Variants in SP140 observed in about 807,000 individuals in gnomAD.
The protein encoded by SP140 is nuclear body protein SP140.
Under a neutral mutation model 125.0 loss-of-function variants are expected in SP140, and 81 were observed. The ratio of observed to expected loss-of-function variants is 0.65; its 90% CI spans 0.54 to 0.78. The LOEUF is 0.78. Ranked by LOEUF, SP140 falls within the 30% of genes least tolerant of loss-of-function variation. The probability of loss-of-function intolerance (pLI) is 0.00; values close to 1 mark genes in which losing one functional copy is unlikely to be tolerated. For synonymous variants in SP140, 312 were observed against 354.0 expected (o/e 0.88, Z 1.33); for missense variants, 858 against 1,037.0 (o/e 0.83, Z 2.37).
downstream of SP140, among the ~76,000 whole-genome samples, chr2:230,316,394 C>T (rs1290694321): frequency 6.6e-6 from 1 of 152,112 alleles, no homozygotes; most frequent in South Asian, 2.1e-4. Context: ...AGGAGAATCA[C>T]CATGGTTGAC....
chr2:230,256,005 T>C (rs1291923317), intron 12 of SP140, among the ~76,000 whole-genome samples: 2 of 152,206 alleles, frequency 1.3e-5, no homozygotes, highest in African/African-American at 4.8e-5. Flanking sequence ...TTATTTTTTC[T>C]AGCTATCAAT....
intron 4 of SP140, among the ~76,000 whole-genome samples, chr2:230,243,054 A>G (rs1269884502): frequency 6.6e-6 from 1 of 152,216 alleles, no homozygotes; most frequent in Non-Finnish European, 1.5e-5. Context: ...GGCATCCACA[A>G]TGAGCCACCT....
the SP140 span, among the ~76,000 whole-genome samples, chr2:230,196,071 A>G: frequency 6.6e-6 from 1 of 152,216 alleles, no homozygotes; most frequent in Admixed American, 6.5e-5. Context: ...GTTTTATTAC[A>G]TCCAGCATTG....
At chr2:230,226,042 A>G (rs2046290779) in intron 1 of SP140, 139 bp downstream of exon 1, 2 of 698,518 alleles carry the variant, frequency 2.9e-6, no homozygotes, top group Non-Finnish European at 2.4e-6. Context: ...AGGCAATCAG[A>G]TTTTTTAAAT....
chr2:230,251,644 C>T (rs557631828), intron 10 of SP140, among the ~76,000 whole-genome samples: 1 of 152,148 alleles, frequency 6.6e-6, no homozygotes, highest in Non-Finnish European at 1.5e-5. Flanking sequence ...TTATTACAAA[C>T]TTGACAAAGC....
At chr2:230,276,073 G>C (rs990948522) in intron 15 of SP140, among the ~76,000 whole-genome samples, 13 of 152,210 alleles carry the variant, frequency 8.5e-5, no homozygotes, top group South Asian at 2.1e-4. Context: ...AGCTGCAAAT[G>C]CTGATGTAAA....
At chr2:230,259,796 A>G (rs747199793) in intron 12 of SP140, among the ~76,000 whole-genome samples, 3 of 107,950 alleles carry the variant, frequency 2.8e-5, no homozygotes, top group Non-Finnish European at 6.1e-5. Context: ...ATATATATAT[A>G]CCACATACAT....
intron 1 of SP140, chr2:230,212,699 C>T: frequency 6.3e-7 from 1 of 1,597,620 alleles, no homozygotes; most frequent in Non-Finnish European, 8.6e-7. Flanking sequence ...GGATTGGCGG[C>T]AACATGGCAC....
At chr2:230,199,046 T>C (rs1453905289), upstream of SP140, among the ~76,000 whole-genome samples, 1 of 151,804 alleles carries the variant, frequency 6.6e-6, no homozygotes, top group African/African-American at 2.4e-5. Context: ...CTGAGGATGA[T>C]GGAGCAACAA....
intron 22 of SP140, among the ~76,000 whole-genome samples, chr2:230,307,180 G>A (rs576224814): frequency 1.8e-4 from 27 of 152,262 alleles, no homozygotes; most frequent in African/African-American, 4.8e-4. Context: ...CTGAACACTC[G>A]TCAGGACACA....
intron 1 of SP140, among the ~76,000 whole-genome samples, chr2:230,233,851 T>G (rs1453057663): frequency 1.3e-5 from 2 of 152,202 alleles, no homozygotes; most frequent in Non-Finnish European, 2.9e-5. Context: ...ATTTAGCCTC[T>G]GAAAAATTTC....
upstream of SP140, chr2:230,221,842 G>A (rs2045846311): frequency 2.0e-6 from 2 of 1,000,564 alleles, no homozygotes; most frequent in African/African-American, 1.6e-5. Flanking sequence ...AAGCAGGAGT[G>A]GGAAAATAAA....
intron 22 of SP140, among the ~76,000 whole-genome samples, chr2:230,303,203 C>T (rs1044465406): frequency 3.9e-5 from 6 of 151,990 alleles, no homozygotes; most frequent in African/African-American, 1.5e-4. Context: ...CAAATAAGCC[C>T]AATTAGAAAC....
intron 15 of SP140, among the ~76,000 whole-genome samples, chr2:230,283,431 TCTGAATCCCTAGGCA>T (rs2055899470): frequency 6.6e-6 from 1 of 152,178 alleles, no homozygotes; most frequent in South Asian, 2.1e-4. Flanking sequence ...TGGAGTTAAA[TCTGAATCCCTAGGCA>T]CTTTGAAGGC....
intron 1 of SP140, among the ~76,000 whole-genome samples, chr2:230,204,059 C>T (rs1338931649): frequency 2.0e-5 from 3 of 152,170 alleles, no homozygotes; most frequent in Non-Finnish European, 2.9e-5. Context: ...ATTAAAAGCA[C>T]ATCATCTGTC....
At chr2:230,248,669 C>T (rs1248462618) in intron 8 of SP140, among the ~76,000 whole-genome samples, 3 of 152,112 alleles carry the variant, frequency 2.0e-5, no homozygotes, top group Admixed American at 6.6e-5. Flanking sequence ...ACAATCCAAG[C>T]GCTGCTCAGC....
intron 22 of SP140, among the ~76,000 whole-genome samples, chr2:230,304,576 A>G (rs1454685951): frequency 6.6e-6 from 1 of 152,208 alleles, no homozygotes; most frequent in East Asian, 1.9e-4. Context: ...AGACCAATGG[A>G]ACAGAAGAAA....
In SP140 at chr2:230,269,801, A is replaced by G. The variant is rs780569122; in HGVS notation, c.1328-36A>G. 14 of 1,530,238 alleles carry G rather than the reference A, an allele frequency of 9.1e-6. No homozygotes were observed. In the South Asian group the frequency reaches 1.0e-4, roughly 11 times the overall value. The allele number at this position is 1,530,238 out of a possible 1,614,324, so 94.8% of individuals were successfully genotyped here. The stretch of plus-strand genomic sequence containing the variant: ...TGCAGAAAATAGAGTCACTGGGTCA[A>G]ACTGAAAGTCTTCATGAATCACAAT... On this transcript the variant is annotated intron_variant, in intron 13 of 26. Coordinates refer to ENST00000392045, the MANE Select transcript of SP140 (RefSeq NM_007237.5).
At chr2:230,249,032 A>G (rs1392093364) in intron 9 of SP140, 64 bp downstream of exon 9, 1 of 1,343,088 alleles carries the variant, frequency 7.4e-7, no homozygotes, top group Non-Finnish European at 1.1e-6. Context: ...GCATGGAAAA[A>G]AAGTTTCCCT....
Sources: gnomAD v4.1 joint callset for allele counts (sites outside exome capture counted in the v4.1 genomes callset) on GRCh38, gnomAD v4.1.1 for gene constraint, MANE v1.5 for transcripts, NCBI Gene and HGNC (gene_info 2026-07-23, HGNC 2026-07-21) for gene names.